Variants in DCAF8L2 observed in about 807,000 individuals in gnomAD.
The protein encoded by DCAF8L2 is DDB1 and CUL4 associated factor 8 like 2.
For synonymous variants in DCAF8L2, 200 were observed against 190.9 expected, an observed-to-expected ratio of 1.05 and a Z score of -0.39; for missense variants, 430 against 490.7, an observed-to-expected ratio of 0.88 and a Z score of 1.17.
the DCAF8L2 span, among the ~76,000 whole-genome samples, chrX:27,536,953 T>C: frequency 8.9e-6 from 1 of 112,349 alleles, no homozygotes; most frequent in Non-Finnish European, 1.9e-5. Context: ...ATTTGATAAA[T>C]ACATATCAAA....
the DCAF8L2 span, among the ~76,000 whole-genome samples, chrX:27,514,040 G>C: frequency 8.9e-6 from 1 of 111,976 alleles, no homozygotes. Flanking sequence ...GTATGTTGAA[G>C]AGATATCTTC....
chrX:27,517,347 G>A, the DCAF8L2 span, among the ~76,000 whole-genome samples: 8,988 of 110,677 alleles, frequency 0.081, 347 homozygotes, highest in Non-Finnish European at 0.12. Flanking sequence ...AAATGTGAGC[G>A]AGAGAGAATG....
intron 3 of DCAF8L2, among the ~76,000 whole-genome samples, chrX:27,689,610 A>G (rs1229252569): frequency 8.9e-6 from 1 of 112,757 alleles, no homozygotes; most frequent in Non-Finnish European, 1.9e-5. Flanking sequence ...CAATTGAAAG[A>G]TGGTTGTATA....
the DCAF8L2 span, among the ~76,000 whole-genome samples, chrX:27,529,728 T>C: frequency 8.9e-6 from 1 of 112,176 alleles, no homozygotes; most frequent in African/African-American, 3.2e-5. Context: ...AAATCAAGAA[T>C]TGGTCATCAC....
chrX:27,532,725 C>A, the DCAF8L2 span, among the ~76,000 whole-genome samples: 1 of 84,000 alleles, frequency 1.2e-5, no homozygotes, highest in African/African-American at 4.5e-5. Flanking sequence ...TAGTGAGACC[C>A]ATATTTATTT....
chrX:27,632,463 C>T (rs1279610698), intron 2 of DCAF8L2: 1 of 111,281 alleles, frequency 9.0e-6, no homozygotes, highest in Non-Finnish European at 1.9e-5. Flanking sequence ...GTTTTCATCC[C>T]CTAATTCTCT....
the DCAF8L2 span, among the ~76,000 whole-genome samples, chrX:27,480,541 G>A: frequency 1.8e-5 from 2 of 111,724 alleles, no homozygotes; most frequent in African/African-American, 3.3e-5. Context: ...GTCTCTTGGC[G>A]GTGGCTCTGT....
At chrX:27,695,155 G>A (rs1338704863) in intron 3 of DCAF8L2, among the ~76,000 whole-genome samples, 1 of 111,416 alleles carries the variant, frequency 9.0e-6, no homozygotes, top group Admixed American at 9.6e-5. Flanking sequence ...ACAGTAATAG[G>A]CCTCAGTTTC....
intron 1 of DCAF8L2, among the ~76,000 whole-genome samples, chrX:27,627,786 C>T (rs781279294): frequency 5.5e-5 from 6 of 108,913 alleles, no homozygotes; most frequent in Non-Finnish European, 1.1e-4. Context: ...CTCAGCTACT[C>T]GGGAGGCTGA....
intron 3 of DCAF8L2, among the ~76,000 whole-genome samples, chrX:27,715,322 G>A (rs889052370): frequency 2.0e-5 from 2 of 100,845 alleles, no homozygotes; most frequent in Non-Finnish European, 4.0e-5. Context: ...AGCCAAGATC[G>A]CGCCACTGCA....
chrX:27,635,956 C>T (rs1439097057), intron 2 of DCAF8L2, among the ~76,000 whole-genome samples: 9 of 109,365 alleles, frequency 8.2e-5, no homozygotes, highest in South Asian at 4.0e-4. Context: ...GGATTACAGG[C>T]GCCTGCCACC....
the DCAF8L2 span, among the ~76,000 whole-genome samples, chrX:27,543,266 C>G: frequency 1.8e-5 from 2 of 112,018 alleles, no homozygotes. Flanking sequence ...TTATTTTTGT[C>G]TACTTTGTTG....
chrX:27,624,353 A>G (rs953944466), intron 1 of DCAF8L2, among the ~76,000 whole-genome samples: 1 of 111,123 alleles, frequency 9.0e-6, no homozygotes, highest in East Asian at 2.8e-4. Context: ...TGCTTCCATT[A>G]CTAGGGCTGG....
At chrX:27,520,733 G>C in the DCAF8L2 span, among the ~76,000 whole-genome samples, 1 of 111,921 alleles carries the variant, frequency 8.9e-6, no homozygotes. Context: ...CCCTGATAAA[G>C]TTAGATGTTA....
the DCAF8L2 span, among the ~76,000 whole-genome samples, chrX:27,496,583 C>CT: frequency 9.0e-6 from 1 of 111,723 alleles, no homozygotes; most frequent in Non-Finnish European, 1.9e-5. Context: ...AACATTGTTT[C>CT]TTCTCAATAG....
the DCAF8L2 span, among the ~76,000 whole-genome samples, chrX:27,513,559 G>A: frequency 9.1e-6 from 1 of 110,174 alleles, no homozygotes. Flanking sequence ...AAAAAAATTA[G>A]CTGGGCGTGG....
chrX:27,619,003 TA>T (rs764762270), intron 1 of DCAF8L2, among the ~76,000 whole-genome samples: 2 of 71,250 alleles, frequency 2.8e-5, no homozygotes, highest in African/African-American at 1.0e-4. Context: ...TATCTATATC[TA>T]ATCTATCTAT....
chrX:27,673,138 C>T (rs1325658776), intron 2 of DCAF8L2, among the ~76,000 whole-genome samples: 1 of 110,735 alleles, frequency 9.0e-6, no homozygotes, highest in Non-Finnish European at 1.9e-5. Context: ...TTTTTAAATA[C>T]TTATGTTAAA....
chrX:27,695,342 A>G (rs991042459), intron 3 of DCAF8L2, among the ~76,000 whole-genome samples: 1 of 112,534 alleles, frequency 8.9e-6, no homozygotes, highest in African/African-American at 3.2e-5. Context: ...TTTACTTGCC[A>G]ATAGAAAACA....
Sources: allele counts gnomAD v4.1 joint callset (sites outside exome capture counted in the v4.1 genomes callset), GRCh38; gene constraint gnomAD v4.1.1; transcripts MANE v1.5; gene names NCBI Gene and HGNC (gene_info 2026-07-23, HGNC 2026-07-21).